The following ADAMTS3 variants were observed in gnomAD, a reference collection of about 807,000 sequenced individuals.
ADAMTS3 encodes the protein ADAM metallopeptidase with thrombospondin type 1 motif 3.
In ADAMTS3, 73 loss-of-function variants were observed where a neutral mutation model predicts 129.0. The ratio of observed to expected loss-of-function variants is 0.57; its 90% CI spans 0.47 to 0.69. The LOEUF is 0.69. Among genes scored for constraint, ADAMTS3 ranks in the 30% least tolerant of loss-of-function variants. ADAMTS3 has a pLI of 0.00. For missense variants in ADAMTS3, 1,457 were observed against 1,514.5 expected, an observed-to-expected ratio of 0.96 and a Z score of 0.63; for synonymous variants, 477 against 510.8, an observed-to-expected ratio of 0.93 and a Z score of 0.89.
At position 72,319,682 on chromosome 4, in the gene ADAMTS3, GC is replaced by G. The variant is rs145793805; in HGVS notation, c.1208+175del. Among the ~76,000 whole-genome samples, 725 of 152,302 alleles carry G rather than the reference GC, an allele frequency of 4.8e-3. 3 individuals carry two copies. Among genetic ancestry groups the G allele is most frequent in the Non-Finnish European group, 7.5e-3 (510 of 68,030 alleles). ...GAAAACCACAGGAGTGCCTCTGCAA[GC>G]CAGTCACTCATTTAGTTTCCGTGCA... On this transcript the variant is annotated intron_variant, in intron 8 of 21. Coordinates refer to ENST00000286657, the MANE Select transcript of ADAMTS3 (RefSeq NM_014243.3).
At chr4:72,334,135 A>C (rs1400544164) in intron 5 of ADAMTS3, among the ~76,000 whole-genome samples, 1 of 151,824 alleles carries the variant, frequency 6.6e-6, no homozygotes, top group Non-Finnish European at 1.5e-5. Flanking sequence ...TTACAGGAGA[A>C]AGAAGGTTTT....
At chr4:72,490,972 T>G (rs1438411284) in intron 3 of ADAMTS3, among the ~76,000 whole-genome samples, 1 of 151,966 alleles carries the variant, frequency 6.6e-6, no homozygotes, top group Non-Finnish European at 1.5e-5. Context: ...TGAGATTTTT[T>G]CCATTTGTCT....
chr4:72,306,085 AT>A lies in ADAMTS3; in HGVS notation c.2180-19del. On this transcript the variant is annotated intron_variant, in intron 15 of 21. Transcript: ENST00000286657. ...AAGGTACCCTTTGCATGTGTAGTAA[AT>A]ATTGTAGGAAGCAAAGAAGAAAACA... 2 of 1,571,714 alleles carry A rather than the reference AT, an allele frequency of 1.3e-6. No individual in the cohort carries two copies. The highest frequency in any genetic ancestry group is 1.7e-6 in the Non-Finnish European group (2 of 1,158,674).
intron 13 of ADAMTS3, 200 bp downstream of exon 13, chr4:72,312,091 G>T: frequency 1.9e-6 from 1 of 516,900 alleles, no homozygotes; most frequent in Non-Finnish European, 3.4e-6. Flanking sequence ...TGCTTGCCAG[G>T]AACTATTGCA....
At chr4:72,517,047 G>A (rs964702016) in intron 3 of ADAMTS3, among the ~76,000 whole-genome samples, 1 of 151,964 alleles carries the variant, frequency 6.6e-6, no homozygotes, top group African/African-American at 2.4e-5. Flanking sequence ...TAGCATGAAG[G>A]GCTGTTGAAT....
At chr4:72,428,640 C>A (rs564964059) in intron 3 of ADAMTS3, among the ~76,000 whole-genome samples, 32 of 152,070 alleles carry the variant, frequency 2.1e-4, no homozygotes, top group African/African-American at 7.5e-4. Context: ...AAAGGAGAAA[C>A]CCTAGCTTGG....
At chr4:72,458,246 A>C (rs1330848387) in intron 3 of ADAMTS3, among the ~76,000 whole-genome samples, 1 of 151,644 alleles carries the variant, frequency 6.6e-6, no homozygotes, top group Non-Finnish European at 1.5e-5. Context: ...TTCAAATAGT[A>C]AGTTCATAGC....
chr4:72,563,419 T>C (rs1182580974), intron 2 of ADAMTS3, among the ~76,000 whole-genome samples: 1 of 152,122 alleles, frequency 6.6e-6, no homozygotes, highest in African/African-American at 2.4e-5. Flanking sequence ...TGCTGGCAAA[T>C]TGGATTGACA....
intron 3 of ADAMTS3, among the ~76,000 whole-genome samples, chr4:72,423,465 T>C (rs889081382): frequency 1.3e-5 from 2 of 152,190 alleles, no homozygotes; most frequent in African/African-American, 4.8e-5. Context: ...TTCACTGTTA[T>C]TTCCTCAAAC....
At position 72,548,715 on chromosome 4, in the gene ADAMTS3, T is replaced by A. The variant is rs747066174; in HGVS notation, c.267A>T (p.Lys89Asn). The change falls in exon 3 of 22, where the codon AAA (lysine) becomes AAT (asparagine). Residue 89 changes from lysine (K) to asparagine (N), a missense_variant. Transcript: ENST00000286657. ...QLFFNITAFG[K>N]DFHLRLKPNT... ...TGGGCTTTAGTCGCAGATGAAAATCTTTTCCAAATGCCGTGATGTTAAAGA... is the reference window on the plus strand; with the variant it reads ...TGGGCTTTAGTCGCAGATGAAAATCATTTCCAAATGCCGTGATGTTAAAGA... 2 of 1,613,850 alleles carry A rather than the reference T, an allele frequency of 1.2e-6. No individual in the cohort carries two copies. The highest frequency in any genetic ancestry group is 2.7e-5 in the African/African-American group (2 of 74,892).
rs138624838 is a variant in ADAMTS3, at chr4:72,306,142, C to T, written c.2180-75G>A. 1,121 of 1,074,606 alleles carry T rather than the reference C, an allele frequency of 1.0e-3. 15 individuals are homozygous for T. The African/African-American group carries it at 0.017, about 16-fold the overall frequency. The allele number at this position is 1,074,606 out of a possible 1,614,324, so 66.6% of individuals were successfully genotyped here. On this transcript the variant is annotated intron_variant, in intron 15 of 21. Transcript: ENST00000286657. Reference sequence around the variant, plus strand: ...AACAACCATGGTTAGTTGAGCACTACATTCTTACTGCTTCTGCGTGCAGAA... The same window carrying T: ...AACAACCATGGTTAGTTGAGCACTATATTCTTACTGCTTCTGCGTGCAGAA...
intron 2 of ADAMTS3, among the ~76,000 whole-genome samples, chr4:72,553,059 G>A (rs1356079628): frequency 8.5e-5 from 3 of 35,160 alleles, no homozygotes; most frequent in East Asian, 1.1e-3. Context: ...GAAGAAATGC[G>A]TGAATGAATG....
chr4:72,339,376 A>G (rs1234301265), intron 5 of ADAMTS3, 118 bp downstream of exon 5: 12 of 843,530 alleles, frequency 1.4e-5, no homozygotes, highest in Non-Finnish European at 1.7e-5. Flanking sequence ...ATTTAATGCC[A>G]TCATGCACAT....
At chr4:72,562,171 T>G (rs1397496654) in intron 2 of ADAMTS3, among the ~76,000 whole-genome samples, 3 of 152,214 alleles carry the variant, frequency 2.0e-5, no homozygotes, top group Non-Finnish European at 4.4e-5. Context: ...GCTGCATCTT[T>G]CAGATTGCAT....
chr4:72,442,217 C>G (rs982575232), intron 3 of ADAMTS3: 1 of 151,776 alleles, frequency 6.6e-6, no homozygotes, highest in African/African-American at 2.4e-5. Flanking sequence ...TGACAGAGTT[C>G]TGAAAGACAG....
chr4:72,504,199 A>G (rs1408977640), intron 3 of ADAMTS3, among the ~76,000 whole-genome samples: 2 of 152,176 alleles, frequency 1.3e-5, no homozygotes, highest in African/African-American at 2.4e-5. Flanking sequence ...GGCTATGTAC[A>G]TAAGTGTCTT....
chr4:72,473,554 A>G (rs1262911707), intron 3 of ADAMTS3, among the ~76,000 whole-genome samples: 1 of 149,292 alleles, frequency 6.7e-6, no homozygotes, highest in African/African-American at 2.5e-5. Context: ...ACACCACAGA[A>G]AAAAAAAAAA....
At chr4:72,396,234 A>G (rs564525590) in intron 4 of ADAMTS3, among the ~76,000 whole-genome samples, 1 of 152,328 alleles carries the variant, frequency 6.6e-6, no homozygotes, top group South Asian at 2.1e-4. Flanking sequence ...GAGGACCTTA[A>G]AGAGAGGTAA....
At chr4:72,361,936 G>A (rs1289127096) in intron 4 of ADAMTS3, among the ~76,000 whole-genome samples, 1 of 151,998 alleles carries the variant, frequency 6.6e-6, no homozygotes, top group Non-Finnish European at 1.5e-5. Flanking sequence ...TATTTCCAGT[G>A]TTTTGTTACA....
Sources: allele counts gnomAD v4.1 joint callset (sites outside exome capture counted in the v4.1 genomes callset), GRCh38; gene constraint gnomAD v4.1.1; transcripts MANE v1.5; gene names NCBI Gene and HGNC (gene_info 2026-07-23, HGNC 2026-07-21).